Variants in RAB11B observed in about 807,000 individuals in gnomAD.
RAB11B encodes RAB11B, member RAS oncogene family.
A neutral mutation model predicts 23.7 loss-of-function variants in RAB11B; 7 were observed. The ratio of observed to expected loss-of-function variants is 0.29; its 90% confidence interval spans 0.17 to 0.55. The LOEUF is 0.55. Among genes scored for constraint, RAB11B ranks in the 20% least tolerant of loss-of-function variants. The pLI, the probability that RAB11B is intolerant of heterozygous loss-of-function variation, is 0.93. For synonymous variants in RAB11B, 138 were observed against 132.0 expected (o/e 1.05, Z -0.31); for missense variants, 189 against 320.0 (o/e 0.59, Z 3.12).
chr19:8,392,545 C>T (rs1315416414), intron 1 of RAB11B, among the ~76,000 whole-genome samples: 1 of 152,112 alleles, frequency 6.6e-6, no homozygotes, highest in African/African-American at 2.4e-5. Context: ...CTGACCTTCT[C>T]AAGCTAGTTG....
chr19:8,395,894 G>A (rs1481389725), intron 1 of RAB11B, among the ~76,000 whole-genome samples: 1 of 152,202 alleles, frequency 6.6e-6, no homozygotes, highest in Non-Finnish European at 1.5e-5. Context: ...TTGGACTGTG[G>A]ATGCAGAAGA....
chr19:8,397,950 GGGCCCAAGGCCCACA>G (rs1417250287), intron 1 of RAB11B, among the ~76,000 whole-genome samples: 1 of 152,120 alleles, frequency 6.6e-6, no homozygotes, highest in Non-Finnish European at 1.5e-5. Flanking sequence ...TCAGGTGCCG[GGGCCCAAGGCCCACA>G]CTTGGGGGTC....
At chr19:8,391,999 C>T (rs1373538406) in intron 1 of RAB11B, among the ~76,000 whole-genome samples, 2 of 151,832 alleles carry the variant, frequency 1.3e-5, no homozygotes, top group African/African-American at 2.4e-5. Flanking sequence ...TCTCGCCCCT[C>T]GTGGCAGGAG....
chr19:8,390,871 G>A (rs1971345284), intron 1 of RAB11B, among the ~76,000 whole-genome samples: 1 of 151,798 alleles, frequency 6.6e-6, no homozygotes, highest in Non-Finnish European at 1.5e-5. Context: ...TGACCAATAG[G>A]TGGGTTGGGC....
Position 8,403,727 on chromosome 19 carries a change from C to G in RAB11B, c.*169C>G, listed in dbSNP as rs1478045286. The G allele has an allele frequency of 4.2e-6, 4 of 957,814 alleles. No individual in the cohort carries two copies. The highest frequency in any genetic ancestry group is 5.9e-6 in the Non-Finnish European group (4 of 682,920). 59.3% of individuals were successfully genotyped at this position (957,814 alleles called of 1,614,324 possible). ...AGGACAGGAGCCAGTGCTACCCCGT[C>G]CTGCCCGGGGAAAAGCTAGAAGCCC... On this transcript the variant is annotated 3_prime_UTR_variant, in exon 5 of 5. Coordinates refer to ENST00000328024, the MANE Select transcript of RAB11B (RefSeq NM_004218.4).
chr19:8,399,794 G>A (rs147509272), intron 1 of RAB11B, 69 bp from the exon 2 acceptor site: 37 of 1,552,434 alleles, frequency 2.4e-5, no homozygotes, highest in Admixed American at 1.2e-4. Context: ...CCAGGGAACC[G>A]GCGGGAAGGT....
chr19:8,394,693 G>A (rs1241104362), intron 1 of RAB11B, among the ~76,000 whole-genome samples: 1 of 152,144 alleles, frequency 6.6e-6, no homozygotes, highest in Admixed American at 6.5e-5. Flanking sequence ...TACTTTGGAA[G>A]GCCGAGGTGG....
chr19:8,399,042 T>C (rs1971418034), intron 1 of RAB11B, among the ~76,000 whole-genome samples: 1 of 151,748 alleles, frequency 6.6e-6, no homozygotes, highest in Non-Finnish European at 1.5e-5. Context: ...AAGCTCCGCC[T>C]CCCGGATTCA....
At chr19:8,394,200 G>C (rs377761841) in intron 1 of RAB11B, among the ~76,000 whole-genome samples, 15 of 152,218 alleles carry the variant, frequency 9.9e-5, no homozygotes, top group Non-Finnish European at 1.0e-4. Flanking sequence ...TTGTCACCCA[G>C]ACTGGAGTGC....
intron 1 of RAB11B, among the ~76,000 whole-genome samples, chr19:8,398,576 C>T (rs2913971): frequency 0.25 from 38,182 of 152,104 alleles, 5,279 homozygotes; most frequent in Middle Eastern, 0.31. Flanking sequence ...CTCCGGGCTG[C>T]GTCCTCAGGG....
chr19:8,403,382 C>T (rs373932343), intron 4 of RAB11B, 31 bp from the exon 5 acceptor site: 12 of 1,587,942 alleles, frequency 7.6e-6, no homozygotes, highest in African/African-American at 2.7e-5. Context: ...CGTGCTGGCT[C>T]ACCCCACGTC....
intron 1 of RAB11B, among the ~76,000 whole-genome samples, chr19:8,395,717 G>A (rs567547970): frequency 6.6e-6 from 1 of 152,216 alleles, no homozygotes; most frequent in East Asian, 1.9e-4. Context: ...TGAAGGATGA[G>A]TAGGAGTTTG....
rs778312046 is a variant in RAB11B at position 8,400,056 on chromosome 19, C to T, written c.234C>T (p.Ser78=). The stretch of plus-strand genomic sequence containing the variant: ...AGGAGCGCTACCGCGCCATCACCTC[C>T]GCGTGCGTGTCGGCAGCCTGGGCAG... The part of the protein sequence containing the change: ...AGQERYRAIT[S]AYYRGAVGAL... The change falls in exon 2 of 5, where the codon TCC becomes TCT. Residue 78 remains serine (S), a splice_region_variant and synonymous_variant. Transcript: ENST00000328024. The T allele has an allele frequency of 9.6e-5, 154 of 1,608,122 alleles. No individual in the cohort carries two copies. The highest frequency in any genetic ancestry group is 1.3e-4 in the Non-Finnish European group (148 of 1,175,070).
At position 8,390,374 on chromosome 19, in the gene RAB11B, G is replaced by T. The variant is rs988030463; in HGVS notation, c.-43G>T. 1 of 1,516,218 alleles carries T rather than the reference G, an allele frequency of 6.6e-7. No homozygotes were observed. The highest frequency in any genetic ancestry group is 8.8e-7 in the Non-Finnish European group (1 of 1,135,274). The allele number at this position is 1,516,218 out of a possible 1,614,324, so 93.9% of individuals were successfully genotyped here. A position where few individuals can be genotyped will look rare whatever the true frequency, so the allele number is the denominator to read the frequency against. ...GCTCCGCCCCCGTCGGGTGTTTGTG[G>T]TGGGGCTGCGGAGTCGCCGATCCCG... is the stretch of plus-strand genomic sequence containing the variant. On this transcript the variant is annotated 5_prime_UTR_variant, in exon 1 of 5. Transcript: ENST00000328024.
rs77896681 is a variant in RAB11B at position 8,403,008 on chromosome 19, C to T, written c.512-405C>T. On this transcript the variant is annotated intron_variant, in intron 4 of 4. Coordinates refer to ENST00000328024, the MANE Select transcript of RAB11B (RefSeq NM_004218.4). ...CCACCCCTAACCTTTGCTTTTTAAACCTGCCGGTCCACCTGGACACTTCAC... is the reference window on the plus strand; with the variant it reads ...CCACCCCTAACCTTTGCTTTTTAAATCTGCCGGTCCACCTGGACACTTCAC... 1,606 of 327,200 alleles carry T rather than the reference C, an allele frequency of 4.9e-3. 26 individuals carry two copies. The highest frequency in any genetic ancestry group is 0.033 in the African/African-American group (1,543 of 46,980). The allele number at this position is 327,200 out of a possible 1,614,324, so 20.3% of individuals were successfully genotyped here. A position where few individuals can be genotyped will look rare whatever the true frequency, so the allele number is the denominator to read the frequency against.
chr19:8,392,011 A>T (rs1228653413), intron 1 of RAB11B, among the ~76,000 whole-genome samples: 2 of 151,420 alleles, frequency 1.3e-5, no homozygotes, highest in Admixed American at 1.3e-4. Flanking sequence ...TGGCAGGAGG[A>T]AGCTTTGGAA....
chr19:8,398,870 C>G (rs1289877829), intron 1 of RAB11B, among the ~76,000 whole-genome samples: 5 of 152,132 alleles, frequency 3.3e-5, no homozygotes, highest in Non-Finnish European at 7.4e-5. Flanking sequence ...CAGCCTCCAC[C>G]TCCTGGGCTC....
rs574100280 is a variant in RAB11B at position 8,396,712 on chromosome 19, G to T, written c.41-3151G>T. On this transcript the variant is annotated intron_variant, in intron 1 of 4. Transcript: ENST00000328024. This position sits in a 1 kb window ranked among gnomAD's most constrained non-coding sequence, Gnocchi z 5.0. ...GTGTGGCTGGAGCAGAGTGAGCCGG[G>T]GGGGGGGCGGGAGGGAGGAGGGGAG... Among the ~76,000 whole-genome samples, 4 of 147,236 alleles carry T rather than the reference G, an allele frequency of 2.7e-5. No homozygotes were observed. The highest frequency in any genetic ancestry group is 2.1e-4 in the East Asian group (1 of 4,870).
chr19:8,400,198 C>T (rs1971426661), intron 2 of RAB11B, 140 bp downstream of exon 2: 1 of 1,111,462 alleles, frequency 9.0e-7, no homozygotes. Flanking sequence ...GCTGGAAGAA[C>T]GCTTTAGCCA....
Sources: gnomAD v4.1 joint callset for allele counts (sites outside exome capture counted in the v4.1 genomes callset) on GRCh38, gnomAD v4.1.1 for gene constraint, Gnocchi (gnomAD v3.1) non-coding constraint, MANE v1.5 for transcripts, NCBI Gene and HGNC (gene_info 2026-07-23, HGNC 2026-07-21) for gene names.